CYYR1: variants seen among roughly 807,000 people sequenced by gnomAD.
The protein encoded by CYYR1 is cysteine and tyrosine rich 1, also known as cysteine and tyrosine-rich protein 1.
Under a neutral mutation model 15.2 loss-of-function variants are expected in CYYR1, and 14 were observed. The ratio of observed to expected loss-of-function variants is 0.92; its 90% CI spans 0.61 to 1.44. The LOEUF is 1.44. CYYR1 is among the 40% of genes most tolerant of loss of function. The pLI is 0.00. For missense variants in CYYR1, 228 were observed against 209.5 expected, an observed-to-expected ratio of 1.09 and a Z score of -0.54; for synonymous variants, 80 against 77.4, an observed-to-expected ratio of 1.03 and a Z score of -0.18.
At chr21:26,549,779 C>T (rs1219604547) in intron 2 of CYYR1, among the ~76,000 whole-genome samples, 2 of 151,954 alleles carry the variant, frequency 1.3e-5, no homozygotes, top group African/African-American at 4.8e-5. Flanking sequence ...TCTAAGCTTC[C>T]ACGGTATTAT....
At chr21:26,502,239 T>A (rs550164156) in intron 2 of CYYR1, among the ~76,000 whole-genome samples, 1 of 151,458 alleles carries the variant, frequency 6.6e-6, no homozygotes, top group East Asian at 1.9e-4. Context: ...AAAGATACTC[T>A]GCTCCCCAAT....
chr21:26,483,480 G>C (rs2065211267), intron 2 of CYYR1: 1 of 947,328 alleles, frequency 1.1e-6, no homozygotes, highest in African/African-American at 1.8e-5. Flanking sequence ...TTTGACAGGT[G>C]AACTCCAAAG....
chr21:26,558,150 C>A (rs182415406), intron 2 of CYYR1, among the ~76,000 whole-genome samples: 2 of 152,258 alleles, frequency 1.3e-5, no homozygotes, highest in African/African-American at 4.8e-5. Flanking sequence ...ATTTCAGGCC[C>A]CATCCAGACC....
intron 3 of CYYR1, among the ~76,000 whole-genome samples, chr21:26,472,721 CA>C (rs2065051344): frequency 6.6e-6 from 1 of 151,980 alleles, no homozygotes; most frequent in African/African-American, 2.4e-5. Flanking sequence ...AACTCTTTGT[CA>C]AAATGGTTTA....
At chr21:26,500,652 C>G (rs1208333378) in intron 2 of CYYR1, among the ~76,000 whole-genome samples, 1 of 152,068 alleles carries the variant, frequency 6.6e-6, no homozygotes, top group Non-Finnish European at 1.5e-5. Flanking sequence ...AGCTCTCACA[C>G]TGGTGGGCCT....
chr21:26,545,636 C>CGGCTCA (rs1459306546), intron 2 of CYYR1, among the ~76,000 whole-genome samples: 2 of 122,430 alleles, frequency 1.6e-5, no homozygotes, highest in African/African-American at 6.3e-5. Flanking sequence ...GGTGCGATCT[C>CGGCTCA]GGCTCACTGC....
intron 2 of CYYR1, among the ~76,000 whole-genome samples, chr21:26,545,728 T>C (rs565598629): frequency 9.9e-5 from 15 of 151,952 alleles, no homozygotes; most frequent in East Asian, 1.9e-4. Flanking sequence ...TACAGGCGCC[T>C]GCCACCACGC....
intron 2 of CYYR1, among the ~76,000 whole-genome samples, chr21:26,488,181 C>T (rs2065276460): frequency 6.6e-6 from 1 of 152,070 alleles, no homozygotes; most frequent in Non-Finnish European, 1.5e-5. Context: ...TCATTTTCTA[C>T]ATTTTCCTTG....
At chr21:26,504,324 G>A (rs534310534) in intron 2 of CYYR1, among the ~76,000 whole-genome samples, 141 of 151,916 alleles carry the variant, frequency 9.3e-4, no homozygotes, top group African/African-American at 3.0e-3. Flanking sequence ...AGGCTGGAGC[G>A]CAGTGGTGCC....
At chr21:26,489,715 A>C (rs1297563598) in intron 2 of CYYR1, among the ~76,000 whole-genome samples, 1 of 152,178 alleles carries the variant, frequency 6.6e-6, no homozygotes, top group Non-Finnish European at 1.5e-5. Context: ...AATCATAGTT[A>C]CAGAAGTTTC....
intron 2 of CYYR1, among the ~76,000 whole-genome samples, chr21:26,535,131 GA>G (rs1236408132): frequency 6.6e-6 from 1 of 152,074 alleles, no homozygotes; most frequent in African/African-American, 2.4e-5. Flanking sequence ...AGCAAATGTT[GA>G]AAAACTAACT....
intron 1 of CYYR1, among the ~76,000 whole-genome samples, chr21:26,570,527 A>G (rs1038681013): frequency 6.6e-6 from 1 of 152,208 alleles, no homozygotes; most frequent in African/African-American, 2.4e-5. Context: ...AGACAATAAT[A>G]TCAACACTTC....
At chr21:26,550,305 C>G (rs758882232) in intron 2 of CYYR1, 1 of 152,128 alleles carries the variant, frequency 6.6e-6, no homozygotes, top group Non-Finnish European at 1.5e-5. Flanking sequence ...CCCAATCTTT[C>G]TCTCTCCCCT....
chr21:26,478,964 G>A (rs1388479927), intron 3 of CYYR1, among the ~76,000 whole-genome samples: 1 of 152,054 alleles, frequency 6.6e-6, no homozygotes, highest in East Asian at 1.9e-4. Context: ...CCAACACTTG[G>A]ATCAGAAATC....
chr21:26,537,280 C>T (rs976151656), intron 2 of CYYR1, among the ~76,000 whole-genome samples: 9 of 152,100 alleles, frequency 5.9e-5, no homozygotes, highest in Admixed American at 5.2e-4. Flanking sequence ...AAGCTCAGAC[C>T]TTAAGGGATA....
At position 26,468,616 on chromosome 21, in the gene CYYR1, C is replaced by A; in HGVS notation, c.353G>T (p.Gly118Val). Residue 118 changes from glycine (G) to valine (V), a missense_variant, in exon 4 of 4, where the codon GGT becomes GTT. Coordinates refer to ENST00000652641, the MANE Select transcript of CYYR1 (RefSeq NM_001320768.2). ...SSYPAGPPPY[G>V]HDHEMEYCAD... is the part of the protein sequence containing the mutation. ...ACAGTATTCCATCTCGTGGTCGTGA[C>A]CGTAGGGTGGTGGTCCTGCTGAAAA... 6.2e-7 allele frequency: 1 copy of A among 1,608,618 alleles called. No homozygotes were observed. The highest frequency in any genetic ancestry group is 1.3e-5 in the African/African-American group (1 of 74,800).
chr21:26,479,461 A>C (rs1394798247), intron 3 of CYYR1, among the ~76,000 whole-genome samples: 1 of 152,110 alleles, frequency 6.6e-6, no homozygotes, highest in Non-Finnish European at 1.5e-5. Flanking sequence ...AGAGTGTGTT[A>C]AATTTAGAAC....
rs2064978403 is a variant in CYYR1 at position 26,467,186 on chromosome 21, A to G, written c.*1315T>C. On this transcript the variant is annotated 3_prime_UTR_variant, in exon 4 of 4. Transcript: ENST00000652641. ...CACAAAAATCTAATCATCTATTTCC[A>G]ATGTTCAATATACAATTTTTATAAA... 6.6e-6 allele frequency: 1 copy of G among 152,198 alleles called. No homozygotes were observed. The highest frequency in any genetic ancestry group is 1.5e-5 in the Non-Finnish European group (1 of 68,022). The allele number at this position is 152,198 out of a possible 1,614,324, so 9.4% of individuals were successfully genotyped here.
intron 1 of CYYR1, chr21:26,569,279 C>T (rs1418464773): frequency 6.6e-6 from 1 of 152,108 alleles, no homozygotes; most frequent in Admixed American, 6.6e-5. Flanking sequence ...AAAATCATGT[C>T]CTTTGCAGCA....
Sources: gnomAD v4.1 joint callset for allele counts (sites outside exome capture counted in the v4.1 genomes callset) on GRCh38, gnomAD v4.1.1 for gene constraint, MANE v1.5 for transcripts, NCBI Gene and HGNC (gene_info 2026-07-23, HGNC 2026-07-21) for gene names.